Variants in P3H2 observed in about 807,000 individuals in gnomAD.
The protein encoded by P3H2 is prolyl 3-hydroxylase 2.
In P3H2, 80 loss-of-function variants were observed where a neutral mutation model predicts 87.0. The ratio of observed to expected loss-of-function variants is 0.92; its 90% CI spans 0.77 to 1.11. The LOEUF is 1.11. P3H2 is among the 50% of genes least tolerant of loss of function. The pLI, the probability that P3H2 is intolerant of heterozygous loss-of-function variation, is 0.00. For synonymous variants in P3H2, 367 were observed against 359.3 expected (o/e 1.02, Z -0.24); for missense variants, 1,001 against 923.9 (o/e 1.08, Z -1.08).
chr3:190,073,607 T>A (rs1387273629), intron 1 of P3H2, among the ~76,000 whole-genome samples: 1 of 152,200 alleles, frequency 6.6e-6, no homozygotes, highest in African/African-American at 2.4e-5. Flanking sequence ...CTGACAGCAG[T>A]GTGCCCAGAA....
At chr3:190,107,686 T>C (rs1711900956) in intron 1 of P3H2, among the ~76,000 whole-genome samples, 1 of 152,336 alleles carries the variant, frequency 6.6e-6, no homozygotes, top group South Asian at 2.1e-4. Flanking sequence ...AAAAAATCTT[T>C]AAAGCTACAA....
chr3:189,957,817 C>T lies in P3H2; in HGVS notation c.*95G>A, dbSNP rs949069984. 9.8e-6 allele frequency: 8 copies of T among 816,374 alleles called. No homozygotes were observed. Among genetic ancestry groups the T allele is most frequent in the African/African-American group, 3.4e-5 (2 of 58,910 alleles). 50.6% of individuals were successfully genotyped at this position (816,374 alleles called of 1,614,324 possible). A position where few individuals can be genotyped will look rare whatever the true frequency, so the allele number is the denominator to read the frequency against. ...GGAAGATCTGATGACTGACATTAAC[C>T]TGTTAATTTATACCATGGCTCTGTA... On this transcript the variant is annotated 3_prime_UTR_variant, in exon 15 of 15. Coordinates refer to ENST00000319332, the MANE Select transcript of P3H2 (RefSeq NM_018192.4).
chr3:190,044,301 T>G (rs1725733383), intron 1 of P3H2, among the ~76,000 whole-genome samples: 1 of 152,122 alleles, frequency 6.6e-6, no homozygotes, highest in Admixed American at 6.5e-5. Flanking sequence ...ACATGACACA[T>G]TAGTTTCAGA....
chr3:190,112,224 T>C (rs139514070), intron 1 of P3H2, among the ~76,000 whole-genome samples: 1 of 152,348 alleles, frequency 6.6e-6, no homozygotes, highest in East Asian at 1.9e-4. Context: ...ATCTTCCATT[T>C]GATTGCATTT....
At chr3:190,032,640 T>G (rs1217473942) in intron 1 of P3H2, among the ~76,000 whole-genome samples, 2 of 152,168 alleles carry the variant, frequency 1.3e-5, no homozygotes, top group African/African-American at 4.8e-5. Flanking sequence ...ATTTGTAAGA[T>G]TAGAATTTGA....
At chr3:190,104,620 A>G (rs760585859) in intron 1 of P3H2, among the ~76,000 whole-genome samples, 4 of 152,248 alleles carry the variant, frequency 2.6e-5, no homozygotes, top group Non-Finnish European at 5.9e-5. Flanking sequence ...CAAAGCCTCT[A>G]TAAATGAAAT....
rs79500485 is a variant in P3H2, at chr3:190,082,627, T to A, written c.480+37625A>T. Among the ~76,000 whole-genome samples the A allele has an allele frequency of 2.9e-3, 437 of 152,298 alleles. 2 individuals carry two copies. The highest frequency in any genetic ancestry group is 9.6e-3 in the African/African-American group (400 of 41,556). On this transcript the variant is annotated intron_variant, in intron 1 of 14. Coordinates refer to ENST00000319332, the MANE Select transcript of P3H2 (RefSeq NM_018192.4). ...TACAATACATTATTACTAACTATAG[T>A]CTCCCTACCATACTATTGAATACTG...
chr3:189,994,432 G>T (rs1434010496), intron 2 of P3H2, 149 bp from the exon 3 acceptor site: 2 of 655,036 alleles, frequency 3.1e-6, no homozygotes, highest in Non-Finnish European at 5.3e-6. Flanking sequence ...GATAAAGAAG[G>T]GTTGCACTGG....
At chr3:190,057,968 T>G (rs1726211323) in intron 1 of P3H2, among the ~76,000 whole-genome samples, 1 of 151,856 alleles carries the variant, frequency 6.6e-6, no homozygotes. Flanking sequence ...AGAAAAAAAA[T>G]CTGGGTCTAT....
At chr3:189,994,045 A>G (rs775097834) in intron 3 of P3H2, 49 bp downstream of exon 3, 1 of 1,384,272 alleles carries the variant, frequency 7.2e-7, no homozygotes, top group Non-Finnish European at 1.0e-6. Flanking sequence ...AATTGCAAGT[A>G]GTATTTTTAT....
At chr3:189,970,956 C>G in intron 12 of P3H2, 65 bp from the exon 13 acceptor site, 2 of 914,222 alleles carry the variant, frequency 2.2e-6, no homozygotes, top group Non-Finnish European at 3.7e-6. Context: ...TCATAGAATA[C>G]TGAAGACTGG....
intron 1 of P3H2, among the ~76,000 whole-genome samples, chr3:190,109,701 T>C (rs915768620): frequency 3.9e-5 from 6 of 152,250 alleles, no homozygotes; most frequent in Non-Finnish European, 8.8e-5. Context: ...GAAGCTCTAT[T>C]TCCAATAGAT....
intron 1 of P3H2, among the ~76,000 whole-genome samples, chr3:190,015,954 T>A (rs1724740349): frequency 6.6e-6 from 1 of 152,164 alleles, no homozygotes; most frequent in Non-Finnish European, 1.5e-5. Context: ...TGTGTGTGTA[T>A]CTGCGTTGGA....
intron 1 of P3H2, among the ~76,000 whole-genome samples, chr3:190,088,598 T>C (rs1727303766): frequency 6.6e-6 from 1 of 152,106 alleles, no homozygotes; most frequent in Non-Finnish European, 1.5e-5. Flanking sequence ...ATTATTAGGG[T>C]CAAAATTAAT....
At chr3:190,091,568 A>G (rs1008041254) in intron 1 of P3H2, among the ~76,000 whole-genome samples, 74 of 152,228 alleles carry the variant, frequency 4.9e-4, no homozygotes, top group African/African-American at 2.7e-4. Flanking sequence ...ATTGTACTAG[A>G]AAGTTTTCTT....
chr3:190,048,462 A>G (rs1220704361), intron 1 of P3H2, among the ~76,000 whole-genome samples: 1 of 152,168 alleles, frequency 6.6e-6, no homozygotes, highest in African/African-American at 2.4e-5. Flanking sequence ...ACACCACTGC[A>G]CTCCAGACTG....
chr3:190,055,537 TC>T lies in P3H2; in HGVS notation c.481-60096del, dbSNP rs1346047509. On this transcript the variant is annotated intron_variant, in intron 1 of 14. Transcript: ENST00000319332. Reference sequence around the variant, plus strand: ...CTATACAGAGTGCTTTTTTTTTTTTTCTCCTTTCTCTCATTTCGCTGAATAC... The same window carrying T: ...CTATACAGAGTGCTTTTTTTTTTTTTTCCTTTCTCTCATTTCGCTGAATAC... Among the ~76,000 whole-genome samples the T allele has an allele frequency of 6.8e-3, 363 of 53,770 alleles. 1 individual carries two copies. The highest frequency in any genetic ancestry group is 0.04 in the African/African-American group (278 of 6,914). 35.3% of individuals were successfully genotyped at this position (53,770 alleles called of 152,430 possible). A position where few individuals can be genotyped will look rare whatever the true frequency, so the allele number is the denominator to read the frequency against.
At chr3:190,028,830 TTC>T (rs1472523602) in intron 1 of P3H2, among the ~76,000 whole-genome samples, 6 of 130,800 alleles carry the variant, frequency 4.6e-5, no homozygotes, top group Non-Finnish European at 9.9e-5. Flanking sequence ...TGTTTGAATT[TTC>T]TCTGAGTCTC....
intron 3 of P3H2, among the ~76,000 whole-genome samples, chr3:189,989,509 G>C (rs1723812035): frequency 6.6e-6 from 1 of 152,112 alleles, no homozygotes; most frequent in Non-Finnish European, 1.5e-5. Context: ...GGAAAATTCA[G>C]GCTGAGAAGT....
Sources: gnomAD v4.1 joint callset for allele counts (sites outside exome capture counted in the v4.1 genomes callset) on GRCh38, gnomAD v4.1.1 for gene constraint, MANE v1.5 for transcripts, NCBI Gene and HGNC (gene_info 2026-07-23, HGNC 2026-07-21) for gene names.